CTNND2: variants seen among roughly 807,000 people sequenced by gnomAD.
CTNND2 encodes catenin delta 2, also known as catenin delta-2.
Under a neutral mutation model 144.4 loss-of-function variants are expected in CTNND2, and 22 were observed. The ratio of observed to expected loss-of-function variants is 0.15; its 90% CI spans 0.11 to 0.22. The LOEUF is 0.22. Among genes scored for constraint, CTNND2 ranks in the 10% least tolerant of loss-of-function variants. The probability of loss-of-function intolerance (pLI) is 1.00; values close to 1 mark genes in which losing one functional copy is unlikely to be tolerated. For missense variants in CTNND2, 1,353 were observed against 1,618.8 expected, an observed-to-expected ratio of 0.84 and a Z score of 2.82; for synonymous variants, 751 against 695.6, an observed-to-expected ratio of 1.08 and a Z score of -1.25.
intron 1 of CTNND2, among the ~76,000 whole-genome samples, chr5:11,791,580 T>A (rs1480100209): frequency 6.6e-6 from 1 of 152,208 alleles, no homozygotes; most frequent in African/African-American, 2.4e-5. Flanking sequence ...GGTGTGACTG[T>A]AACTGTTAAG....
At chr5:11,831,695 AT>A (rs915640476) in intron 1 of CTNND2, among the ~76,000 whole-genome samples, 5 of 151,494 alleles carry the variant, frequency 3.3e-5, no homozygotes, top group African/African-American at 1.2e-4. Context: ...GTTCAGAAAT[AT>A]TTCCCCCTCA....
At chr5:11,332,948 G>A (rs141884335) in intron 9 of CTNND2, among the ~76,000 whole-genome samples, 23 of 152,290 alleles carry the variant, frequency 1.5e-4, no homozygotes, top group Admixed American at 4.6e-4. Flanking sequence ...TGCCTTTCAC[G>A]TTCTGTCACG....
At chr5:11,432,493 A>G (rs1763390348) in intron 3 of CTNND2, among the ~76,000 whole-genome samples, 1 of 152,206 alleles carries the variant, frequency 6.6e-6, no homozygotes, top group South Asian at 2.1e-4. Context: ...ATTCAGTTTC[A>G]TATTCCTAGC....
chr5:11,541,842 C>G lies in CTNND2; in HGVS notation c.287+23102G>C, dbSNP rs977790716. 7.9e-4 allele frequency among the ~76,000 whole-genome samples: 112 copies of G among 140,942 alleles called. 1 individual carries two copies. Among genetic ancestry groups the G allele is most frequent in the African/African-American group, 2.8e-3 (100 of 36,038 alleles). 92.5% of individuals were successfully genotyped at this position (140,942 alleles called of 152,430 possible). A position where few individuals can be genotyped will look rare whatever the true frequency, so the allele number is the denominator to read the frequency against. On this transcript the variant is annotated intron_variant, in intron 3 of 21. Transcript: ENST00000304623. ...TCAACTTATTATTTATTATCGACCC[C>G]CCCCCCCCGGCCAAAAGCCTTTTCC...
At chr5:11,660,884 C>T (rs1157700343) in intron 2 of CTNND2, among the ~76,000 whole-genome samples, 18 of 151,894 alleles carry the variant, frequency 1.2e-4, no homozygotes, top group Non-Finnish European at 1.0e-4. Context: ...TTAAAAGTAA[C>T]ATTTAATTTA....
intron 9 of CTNND2, among the ~76,000 whole-genome samples, chr5:11,316,500 TATTATTATA>T (rs1299688832): frequency 6.9e-6 from 1 of 145,114 alleles, no homozygotes; most frequent in Non-Finnish European, 1.5e-5. Context: ...TTATTATTAT[TATTATTATA>T]CTTTAAGTTT....
At chr5:11,822,698 A>C (rs1166765955) in intron 1 of CTNND2, among the ~76,000 whole-genome samples, 1 of 152,206 alleles carries the variant, frequency 6.6e-6, no homozygotes, top group African/African-American at 2.4e-5. Flanking sequence ...TGGAGAGACC[A>C]GCATGGCAAG....
intron 16 of CTNND2, among the ~76,000 whole-genome samples, chr5:11,061,893 G>C (rs145636041): frequency 0.015 from 2,215 of 152,236 alleles, 162 homozygotes; most frequent in Admixed American, 0.13. Flanking sequence ...ATTTTTAGTA[G>C]AGATGGGGTT....
At chr5:11,292,244 C>A (rs1197124481) in intron 9 of CTNND2, among the ~76,000 whole-genome samples, 1 of 152,126 alleles carries the variant, frequency 6.6e-6, no homozygotes, top group Non-Finnish European at 1.5e-5. Context: ...AGTTCTAGTG[C>A]CCAATACCTT....
chr5:11,192,666 G>A (rs1037290604), intron 11 of CTNND2, among the ~76,000 whole-genome samples: 1 of 152,182 alleles, frequency 6.6e-6, no homozygotes. Context: ...AAGAATGTGG[G>A]CAGCTTTGGA....
chr5:11,475,209 T>C (rs1032625893), intron 3 of CTNND2, among the ~76,000 whole-genome samples: 2 of 152,174 alleles, frequency 1.3e-5, no homozygotes, highest in Non-Finnish European at 2.9e-5. Context: ...GAAATTAGAA[T>C]TGATGATGGT....
intron 1 of CTNND2, among the ~76,000 whole-genome samples, chr5:11,849,172 A>G (rs573205463): frequency 1.6e-4 from 24 of 152,180 alleles, no homozygotes; most frequent in East Asian, 5.8e-4. Context: ...CTTACAACGC[A>G]GCAGGCAAGA....
intron 3 of CTNND2, among the ~76,000 whole-genome samples, chr5:11,485,321 T>G (rs1276412691): frequency 6.6e-6 from 1 of 151,494 alleles, no homozygotes; most frequent in Non-Finnish European, 1.5e-5. Context: ...ATGCCACTTC[T>G]TAACAGAGAG....
At chr5:11,690,489 C>G (rs1157067342) in intron 2 of CTNND2, among the ~76,000 whole-genome samples, 5 of 152,004 alleles carry the variant, frequency 3.3e-5, no homozygotes, top group Non-Finnish European at 7.4e-5. Flanking sequence ...TCTATGCTTT[C>G]TTGGGAGGCC....
At chr5:11,492,202 G>A (rs950252686) in intron 3 of CTNND2, among the ~76,000 whole-genome samples, 7 of 151,992 alleles carry the variant, frequency 4.6e-5, no homozygotes, top group Middle Eastern at 3.4e-3. Context: ...ACATGGGGCA[G>A]GTAAACGGCA....
intron 10 of CTNND2, among the ~76,000 whole-genome samples, chr5:11,230,411 T>C (rs1740877738): frequency 6.6e-6 from 1 of 152,082 alleles, no homozygotes; most frequent in African/African-American, 2.4e-5. Flanking sequence ...AGTCACCTCC[T>C]AAAAGATGCT....
chr5:11,535,673 GA>G (rs750826848), intron 3 of CTNND2, among the ~76,000 whole-genome samples: 1 of 152,122 alleles, frequency 6.6e-6, no homozygotes, highest in Non-Finnish European at 1.5e-5. Flanking sequence ...ACATAGCTCA[GA>G]AAAGTGGAAT....
At chr5:11,019,144 C>T (rs541799178) in intron 17 of CTNND2, among the ~76,000 whole-genome samples, 1 of 152,232 alleles carries the variant, frequency 6.6e-6, no homozygotes, top group East Asian at 1.9e-4. Context: ...GTGTGATTTG[C>T]TTTATTGAGA....
intron 9 of CTNND2, among the ~76,000 whole-genome samples, chr5:11,254,378 G>A (rs1215427006): frequency 2.0e-5 from 3 of 152,182 alleles, no homozygotes; most frequent in Non-Finnish European, 4.4e-5. Flanking sequence ...AAGGAAGCTG[G>A]ATATGATACC....
Sources: allele counts gnomAD v4.1 joint callset (sites outside exome capture counted in the v4.1 genomes callset), GRCh38; gene constraint gnomAD v4.1.1; transcripts MANE v1.5; gene names NCBI Gene and HGNC (gene_info 2026-07-23, HGNC 2026-07-21).